The following IL1RAPL1 variants were observed in gnomAD, a reference collection of about 807,000 sequenced individuals.
IL1RAPL1 encodes the protein interleukin-1 receptor accessory protein-like 1.
In IL1RAPL1, 3 loss-of-function variants were observed where a neutral mutation model predicts 48.4. That is an observed-to-expected ratio of 0.06 (90% CI 0.03 to 0.16). The LOEUF (loss-of-function observed/expected upper bound fraction) is 0.16. Among genes scored for constraint, IL1RAPL1 ranks in the 10% least tolerant of loss-of-function variants. The probability of loss-of-function intolerance (pLI) is 1.00; values close to 1 mark genes in which losing one functional copy is unlikely to be tolerated. For missense variants in IL1RAPL1, 349 were observed against 530.6 expected, an observed-to-expected ratio of 0.66 and a Z score of 3.36; for synonymous variants, 185 against 187.7, an observed-to-expected ratio of 0.99 and a Z score of 0.12.
chrX:29,940,602 C>A (rs1267367046), intron 8 of IL1RAPL1, among the ~76,000 whole-genome samples: 1 of 111,847 alleles, frequency 8.9e-6, no homozygotes, highest in East Asian at 2.8e-4. Context: ...TGATGATTAC[C>A]GACAACGCTT....
intron 1 of IL1RAPL1, among the ~76,000 whole-genome samples, chrX:28,617,698 T>C (rs1181013489): frequency 8.9e-6 from 1 of 112,565 alleles, no homozygotes; most frequent in Non-Finnish European, 1.9e-5. Flanking sequence ...CAAATGATTA[T>C]AGGCACAGCC....
chrX:28,639,557 G>A (rs1450619542), intron 1 of IL1RAPL1, among the ~76,000 whole-genome samples: 1 of 111,899 alleles, frequency 8.9e-6, no homozygotes. Flanking sequence ...GGCAGGCCTG[G>A]CTTAAATTCT....
chrX:29,623,393 C>T (rs1924526973), intron 5 of IL1RAPL1, among the ~76,000 whole-genome samples: 1 of 112,131 alleles, frequency 8.9e-6, no homozygotes, highest in Non-Finnish European at 1.9e-5. Context: ...TCTGACCTCA[C>T]CTCAGTTTAC....
At chrX:28,904,582 T>C in intron 2 of IL1RAPL1, among the ~76,000 whole-genome samples, 1 of 112,364 alleles carries the variant, frequency 8.9e-6, no homozygotes. Context: ...GTTTTCTTGG[T>C]AAGTTATACT....
At chrX:29,708,427 T>A in intron 6 of IL1RAPL1, among the ~76,000 whole-genome samples, 1 of 112,079 alleles carries the variant, frequency 8.9e-6, no homozygotes, top group East Asian at 2.8e-4. Context: ...CTTTCTACTC[T>A]GTTTCTATAA....
In IL1RAPL1 at chrX:29,609,244, A is replaced by G. The variant is rs144243719; in HGVS notation, c.704-59186A>G. Among the ~76,000 whole-genome samples, 2 of 111,940 alleles carry G rather than the reference A, an allele frequency of 1.8e-5. 1 individual carries two copies. Among genetic ancestry groups the G allele is most frequent in the African/African-American group, 6.5e-5 (2 of 30,754 alleles). ...AAATTTGAGGTATTATAAAAATCTT[A>G]TAATGGCCTATCCCGGATCTAAGCT... On this transcript the variant is annotated intron_variant, in intron 5 of 10. Coordinates refer to ENST00000378993, the MANE Select transcript of IL1RAPL1 (RefSeq NM_014271.4).
chrX:29,847,831 G>A (rs921818914), intron 6 of IL1RAPL1, among the ~76,000 whole-genome samples: 2 of 111,246 alleles, frequency 1.8e-5, no homozygotes, highest in African/African-American at 6.5e-5. Context: ...ATCTTTTTTG[G>A]TTACTTCCCC....
intron 5 of IL1RAPL1, among the ~76,000 whole-genome samples, chrX:29,411,921 T>C (rs1438909235): frequency 3.6e-4 from 40 of 111,490 alleles, no homozygotes; most frequent in Non-Finnish European, 1.3e-4. Context: ...ATATTAATTC[T>C]AACAAACTCA....
intron 2 of IL1RAPL1, among the ~76,000 whole-genome samples, chrX:28,980,951 C>T (rs1490476294): frequency 1.9e-5 from 2 of 105,521 alleles, no homozygotes; most frequent in Non-Finnish European, 3.9e-5. Context: ...ATTAGTTGGG[C>T]ATGGTGGTGC....
At chrX:28,886,074 T>C (rs1922620907) in intron 2 of IL1RAPL1, among the ~76,000 whole-genome samples, 1 of 110,771 alleles carries the variant, frequency 9.0e-6, no homozygotes, top group African/African-American at 3.3e-5. Context: ...TAGCCTATAG[T>C]TTCTGCCTAA....
At chrX:29,882,659 CAA>C (rs1021229174) in intron 6 of IL1RAPL1, among the ~76,000 whole-genome samples, 2 of 111,808 alleles carry the variant, frequency 1.8e-5, no homozygotes, top group South Asian at 7.5e-4. Flanking sequence ...ACTTTATTTA[CAA>C]AAACAGGCAG....
chrX:29,579,406 A>G (rs1922886705), intron 5 of IL1RAPL1, among the ~76,000 whole-genome samples: 1 of 111,962 alleles, frequency 8.9e-6, no homozygotes, highest in African/African-American at 3.2e-5. Context: ...GAAAAAAATT[A>G]GTGGAAGTTG....
chrX:29,109,230 T>C (rs1249904565), intron 2 of IL1RAPL1, among the ~76,000 whole-genome samples: 1 of 109,421 alleles, frequency 9.1e-6, no homozygotes, highest in Non-Finnish European at 1.9e-5. Flanking sequence ...GTTTTCCTTC[T>C]CCCCTTTTAA....
intron 5 of IL1RAPL1, among the ~76,000 whole-genome samples, chrX:29,582,295 A>C (rs1403136532): frequency 2.7e-5 from 3 of 111,611 alleles, no homozygotes; most frequent in Non-Finnish European, 5.7e-5. Context: ...CAATTAATTA[A>C]TTAATTTTTG....
chrX:28,833,596 A>G (rs1036101943), intron 2 of IL1RAPL1, among the ~76,000 whole-genome samples: 1 of 111,803 alleles, frequency 8.9e-6, no homozygotes, highest in Admixed American at 9.5e-5. Context: ...ACATCCCTTT[A>G]GATCAATACC....
chrX:29,395,698 C>T (rs188159224), intron 3 of IL1RAPL1, among the ~76,000 whole-genome samples: 27 of 111,862 alleles, frequency 2.4e-4, no homozygotes, highest in Non-Finnish European at 4.0e-4. Context: ...CTTTGCAATA[C>T]TTTTATCCAA....
intron 5 of IL1RAPL1, among the ~76,000 whole-genome samples, chrX:29,561,185 C>T (rs1334762245): frequency 1.8e-5 from 2 of 112,332 alleles, no homozygotes; most frequent in African/African-American, 3.2e-5. Context: ...TTTTGTTTTT[C>T]CTAGGGCATT....
rs780831874 is a variant in IL1RAPL1 at position 29,782,888 on chromosome X, A to ATTTTT, written c.778+114414_778+114418dup. Among the ~76,000 whole-genome samples the ATTTTT allele has an allele frequency of 3.3e-3, 102 of 31,074 alleles. 13 individuals carry two copies. The highest frequency in any genetic ancestry group is 4.5e-3 in the East Asian group (3 of 669). The allele number at this position is 31,074 out of a possible 115,157, so 27.0% of individuals were successfully genotyped here. A position where few individuals can be genotyped will look rare whatever the true frequency, so the allele number is the denominator to read the frequency against. ...GAAGATAAAATGGGTTGATCGTGAC[A>ATTTTT]TTTTTTTTTTTTTTTTTTTTTTTTT... is the stretch of plus-strand genomic sequence containing the variant. On this transcript the variant is annotated intron_variant, in intron 6 of 10. Transcript: ENST00000378993.
At chrX:29,678,674 A>AT (rs1465915173) in intron 6 of IL1RAPL1, among the ~76,000 whole-genome samples, 2 of 109,992 alleles carry the variant, frequency 1.8e-5, no homozygotes, top group African/African-American at 3.3e-5. Context: ...GGCCAACACT[A>AT]TTTTTTTAGA....
Sources: allele counts gnomAD v4.1 joint callset (sites outside exome capture counted in the v4.1 genomes callset), GRCh38; gene constraint gnomAD v4.1.1; transcripts MANE v1.5; gene names NCBI Gene and HGNC (gene_info 2026-07-23, HGNC 2026-07-21).